Variants in SNTG1 observed in about 807,000 individuals in gnomAD.
SNTG1 encodes the protein gamma-1-syntrophin.
In SNTG1, 39 loss-of-function variants were observed where a neutral mutation model predicts 74.7. That is an observed-to-expected ratio of 0.52 (90% CI 0.40 to 0.68). The LOEUF (loss-of-function observed/expected upper bound fraction) is 0.68. SNTG1 is among the 30% of genes least tolerant of loss of function. The probability of loss-of-function intolerance (pLI) is 0.00; values close to 1 mark genes in which losing one functional copy is unlikely to be tolerated. For missense variants in SNTG1, 685 were observed against 609.5 expected (o/e 1.12, Z -1.30); for synonymous variants, 254 against 217.1 (o/e 1.17, Z -1.49).
At chr8:50,145,941 A>T (rs996265972) in intron 1 of SNTG1, among the ~76,000 whole-genome samples, 1 of 150,362 alleles carries the variant, frequency 6.7e-6, no homozygotes, top group Non-Finnish European at 1.5e-5. Flanking sequence ...TCTTTGTATC[A>T]TGTACCCTAG....
intron 1 of SNTG1, among the ~76,000 whole-genome samples, chr8:49,960,865 C>A (rs979263468): frequency 6.6e-6 from 1 of 152,078 alleles, no homozygotes. Flanking sequence ...ATAATGGCCC[C>A]TCTATTCTTG....
intron 2 of SNTG1, among the ~76,000 whole-genome samples, chr8:50,321,733 A>T (rs1279093801): frequency 9.0e-6 from 1 of 111,582 alleles, no homozygotes; most frequent in Non-Finnish European, 2.1e-5. Context: ...TGCAAATAAT[A>T]TCTTATAACT....
In SNTG1 at chr8:50,153,006, A is replaced by G. The variant is rs374323108; in HGVS notation, c.-102-19555A>G. ...ATAATATCATGAGGAGTGTTTTCCA[A>G]CTTGGTTCTATTCTCCCCGTCACTT... On this transcript the variant is annotated intron_variant, in intron 1 of 18. Transcript: ENST00000642720. 2.2e-4 allele frequency among the ~76,000 whole-genome samples: 33 copies of G among 152,316 alleles called. No homozygotes were observed. The East Asian group carries it at 5.2e-3, about 24-fold the overall frequency.
chr8:49,948,763 T>G (rs2129387775), intron 1 of SNTG1, among the ~76,000 whole-genome samples: 1 of 152,312 alleles, frequency 6.6e-6, no homozygotes, highest in East Asian at 1.9e-4. Flanking sequence ...GTGAGAAGGA[T>G]GCAGTGTCTC....
chr8:50,292,940 T>C (rs1429817889), intron 2 of SNTG1, among the ~76,000 whole-genome samples: 1 of 151,566 alleles, frequency 6.6e-6, no homozygotes, highest in Non-Finnish European at 1.5e-5. Context: ...GCAGAGGAGG[T>C]GGAGAAGGAG....
In SNTG1 at chr8:50,308,370, G is replaced by T. The variant is rs562858210; in HGVS notation, c.-27-85842G>T. On this transcript the variant is annotated intron_variant, in intron 2 of 18. Coordinates refer to ENST00000642720, the MANE Select transcript of SNTG1 (RefSeq NM_018967.5). ...TTCTCTCTGCTTCCTCCACTCAGAC[G>T]CTAATGCCATGCAAGGCCTATAGAG... Among the ~76,000 whole-genome samples, 3 of 151,798 alleles carry T rather than the reference G, an allele frequency of 2.0e-5. No individual in the cohort carries two copies. The East Asian group carries it at 5.8e-4, about 29-fold the overall frequency.
intron 1 of SNTG1, among the ~76,000 whole-genome samples, chr8:50,145,225 T>C (rs1012859724): frequency 6.6e-5 from 10 of 152,148 alleles, no homozygotes; most frequent in Admixed American, 3.3e-4. Flanking sequence ...AGGAGACTCT[T>C]CATCGAGTGC....
intron 2 of SNTG1, among the ~76,000 whole-genome samples, chr8:50,199,509 G>A (rs374305146): frequency 2.2e-4 from 33 of 152,118 alleles, no homozygotes; most frequent in African/African-American, 7.5e-4. Context: ...GAGCCACTGC[G>A]CCTGGCAGGA....
chr8:50,572,275 T>TATAGAGAG (rs567247331), intron 12 of SNTG1, among the ~76,000 whole-genome samples: 14 of 148,372 alleles, frequency 9.4e-5, no homozygotes, highest in African/African-American at 3.3e-4. Context: ...TATATATATA[T>TATAGAGAG]AGAGAGAGAG....
intron 8 of SNTG1, among the ~76,000 whole-genome samples, chr8:50,489,709 T>C (rs2093833193): frequency 6.6e-6 from 1 of 152,234 alleles, no homozygotes; most frequent in South Asian, 2.1e-4. Context: ...AAAAATTTTC[T>C]CCCATTCTGT....
At chr8:50,649,553 T>C (rs942074046) in intron 13 of SNTG1, among the ~76,000 whole-genome samples, 1 of 152,170 alleles carries the variant, frequency 6.6e-6, no homozygotes, top group Non-Finnish European at 1.5e-5. Flanking sequence ...TTTCCATTAC[T>C]ACAGTTACTC....
intron 2 of SNTG1, among the ~76,000 whole-genome samples, chr8:50,247,416 C>T (rs970814961): frequency 1.3e-5 from 2 of 152,116 alleles, no homozygotes; most frequent in Admixed American, 6.5e-5. Context: ...AAGAAAGCAT[C>T]ATCCTTCTTA....
At chr8:50,309,167 C>G (rs1249363066) in intron 2 of SNTG1, among the ~76,000 whole-genome samples, 19 of 152,084 alleles carry the variant, frequency 1.2e-4, no homozygotes, top group Admixed American at 1.2e-3. Flanking sequence ...ATGAAGAAAG[C>G]CACAAGCTTT....
chr8:50,184,891 C>T (rs754704115), intron 2 of SNTG1, among the ~76,000 whole-genome samples: 6 of 152,008 alleles, frequency 3.9e-5, no homozygotes, highest in Non-Finnish European at 8.8e-5. Flanking sequence ...TTGTAAATGA[C>T]AGTTATTTAT....
chr8:50,230,734 G>A (rs1375266844), intron 2 of SNTG1, among the ~76,000 whole-genome samples: 1 of 151,034 alleles, frequency 6.6e-6, no homozygotes, highest in Admixed American at 6.6e-5. Context: ...CTCAGACCAT[G>A]TATACAATCC....
rs1050061310 is a variant in SNTG1, at chr8:49,972,052, T to G, written c.-103+59821T>G. ...TGTGGAACCAAAAAGGAGCCTGCAT[T>G]GCTAAGTCAATCCTAAGCCAAAAGA... is the stretch of plus-strand genomic sequence containing the variant. On this transcript the variant is annotated intron_variant, in intron 1 of 18. Coordinates refer to ENST00000642720, the MANE Select transcript of SNTG1 (RefSeq NM_018967.5). Among the ~76,000 whole-genome samples, 5 of 152,120 alleles carry G rather than the reference T, an allele frequency of 3.3e-5. No homozygotes were observed. The South Asian group carries it at 1.0e-3, about 32-fold the overall frequency.
intron 2 of SNTG1, among the ~76,000 whole-genome samples, chr8:50,188,360 C>T (rs1442308361): frequency 2.6e-5 from 4 of 152,114 alleles, no homozygotes; most frequent in African/African-American, 9.7e-5. Context: ...TGCACTCATC[C>T]ACGTTCTGCC....
intron 2 of SNTG1, among the ~76,000 whole-genome samples, chr8:50,312,769 C>G (rs557347044): frequency 6.7e-6 from 1 of 149,716 alleles, no homozygotes; most frequent in Non-Finnish European, 1.5e-5. Context: ...AACCAGGGAA[C>G]AATACAATTT....
intron 18 of SNTG1, among the ~76,000 whole-genome samples, chr8:50,789,396 A>G (rs989982571): frequency 2.0e-5 from 3 of 151,842 alleles, no homozygotes; most frequent in Non-Finnish European, 4.4e-5. Context: ...CATTTTCTCT[A>G]CCTATCCTGC....
Sources: allele counts gnomAD v4.1 joint callset (sites outside exome capture counted in the v4.1 genomes callset), GRCh38; gene constraint gnomAD v4.1.1; transcripts MANE v1.5; gene names NCBI Gene and HGNC (gene_info 2026-07-23, HGNC 2026-07-21).